The following POFUT3 variants were observed in gnomAD, a reference collection of about 807,000 sequenced individuals.
The protein encoded by POFUT3 is GDP-fucose protein O-fucosyltransferase 3.
chr8:33,448,651 C>T, the POFUT3 span, among the ~76,000 whole-genome samples: 4 of 151,894 alleles, frequency 2.6e-5, no homozygotes, highest in African/African-American at 4.8e-5. Context: ...CTCTAAGTCT[C>T]GGCAGGGCAT....
the POFUT3 span, among the ~76,000 whole-genome samples, chr8:33,472,551 T>C: frequency 6.6e-6 from 1 of 152,214 alleles, no homozygotes; most frequent in African/African-American, 2.4e-5. Flanking sequence ...TACGCCGTAT[T>C]CTCTGCAACT....
the POFUT3 span, among the ~76,000 whole-genome samples, chr8:33,419,232 T>C: frequency 6.6e-6 from 1 of 152,314 alleles, no homozygotes; most frequent in Middle Eastern, 3.4e-3. Context: ...AGACTTGAAA[T>C]GTACCTAACA....
chr8:33,318,790 A>AATATATATATATTTTATATATATT, the POFUT3 span, among the ~76,000 whole-genome samples: 2 of 48,660 alleles, frequency 4.1e-5, no homozygotes, highest in Non-Finnish European at 5.8e-5. Context: ...ATATTTATAT[A>AATATATATATATTTTATATATATT]ATATATATAT....
At chr8:33,343,112 G>GGA in the POFUT3 span, among the ~76,000 whole-genome samples, 3 of 115,142 alleles carry the variant, frequency 2.6e-5, 1 homozygote, top group African/African-American at 9.5e-5. Context: ...CTCCGTCTAA[G>GGA]AAAAAAAAAA....
At chr8:33,348,108 G>A in the POFUT3 span, among the ~76,000 whole-genome samples, 492 of 151,520 alleles carry the variant, frequency 3.2e-3, 2 homozygotes, top group African/African-American at 0.011. Context: ...AACTCTGGAG[G>A]TGGAGGTTGC....
At chr8:33,400,525 A>G in the POFUT3 span, among the ~76,000 whole-genome samples, 1 of 152,078 alleles carries the variant, frequency 6.6e-6, no homozygotes, top group East Asian at 1.9e-4. Flanking sequence ...GAAGGAAGGA[A>G]TGCGGGATAA....
At chr8:33,410,964 G>A in the POFUT3 span, among the ~76,000 whole-genome samples, 5 of 152,056 alleles carry the variant, frequency 3.3e-5, no homozygotes, top group Non-Finnish European at 7.4e-5. Context: ...CCACTCACTC[G>A]GGTTTCCTAT....
the POFUT3 span, among the ~76,000 whole-genome samples, chr8:33,466,740 C>A: frequency 5.3e-5 from 8 of 152,188 alleles, no homozygotes; most frequent in Admixed American, 2.0e-4. Context: ...GGACAGCAGG[C>A]TCCAATTCAA....
the POFUT3 span, among the ~76,000 whole-genome samples, chr8:33,350,333 C>T: frequency 6.6e-6 from 1 of 152,034 alleles, no homozygotes; most frequent in Admixed American, 6.5e-5. Flanking sequence ...TATGTTGAGC[C>T]CCATCTGAAA....
the POFUT3 span, among the ~76,000 whole-genome samples, chr8:33,405,692 A>G: frequency 6.6e-6 from 1 of 152,208 alleles, no homozygotes; most frequent in South Asian, 2.1e-4. Context: ...TCAGTCAGTC[A>G]TGGGGAAACA....
chr8:33,459,925 G>A, the POFUT3 span, among the ~76,000 whole-genome samples: 2 of 152,178 alleles, frequency 1.3e-5, no homozygotes, highest in Non-Finnish European at 2.9e-5. Context: ...GCCAGGTGTG[G>A]TGGCTCATGC....
At chr8:33,335,149 A>G in the POFUT3 span, among the ~76,000 whole-genome samples, 2 of 110,622 alleles carry the variant, frequency 1.8e-5, no homozygotes, top group East Asian at 3.7e-4. Flanking sequence ...AAAAAGAAAT[A>G]TATGTGTGTG....
the POFUT3 span, chr8:33,389,226 T>C: frequency 1.2e-6 from 2 of 1,614,138 alleles, no homozygotes; most frequent in South Asian, 1.1e-5. Flanking sequence ...CTTTTGTTAC[T>C]TGGAAGCCAG....
chr8:33,417,239 C>CAG, the POFUT3 span, among the ~76,000 whole-genome samples: 2 of 152,210 alleles, frequency 1.3e-5, no homozygotes, highest in Non-Finnish European at 2.9e-5. Flanking sequence ...CCATCACCCC[C>CAG]AGATGGGACC....
the POFUT3 span, among the ~76,000 whole-genome samples, chr8:33,348,882 A>T: frequency 1.1e-4 from 16 of 152,236 alleles, no homozygotes; most frequent in African/African-American, 3.1e-4. Flanking sequence ...GAAAGTATTT[A>T]TCCTAGAAGT....
chr8:33,422,954 T>G, the POFUT3 span, among the ~76,000 whole-genome samples: 1 of 152,086 alleles, frequency 6.6e-6, no homozygotes, highest in African/African-American at 2.4e-5. Context: ...TAGCTGGAAC[T>G]ACAGGCATGC....
the POFUT3 span, among the ~76,000 whole-genome samples, chr8:33,403,434 G>A: frequency 3.3e-5 from 5 of 152,142 alleles, no homozygotes; most frequent in Non-Finnish European, 7.3e-5. Flanking sequence ...AGAAGTTATT[G>A]GCTGGCTGTA....
At chr8:33,359,546 C>A in the POFUT3 span, among the ~76,000 whole-genome samples, 1 of 152,142 alleles carries the variant, frequency 6.6e-6, no homozygotes, top group African/African-American at 2.4e-5. Context: ...TTCAGATCAT[C>A]TCCACCAAGA....
the POFUT3 span, among the ~76,000 whole-genome samples, chr8:33,400,600 A>T: frequency 1.3e-5 from 2 of 152,168 alleles, no homozygotes; most frequent in South Asian, 2.1e-4. Context: ...GCTTTCTTAT[A>T]CCTAGACTTT....
Sources: allele counts gnomAD v4.1 joint callset (sites outside exome capture counted in the v4.1 genomes callset), GRCh38; gene constraint gnomAD v4.1.1; transcripts MANE v1.5; gene names NCBI Gene and HGNC (gene_info 2026-07-23, HGNC 2026-07-21).